Variants in TMTC1 observed in about 807,000 individuals in gnomAD.
TMTC1 encodes the protein protein O-mannosyl-transferase TMTC1.
Under a neutral mutation model 104.8 loss-of-function variants are expected in TMTC1, and 73 were observed. The observed-to-expected ratio is 0.70, with a 90% CI of 0.58 to 0.85. The LOEUF (loss-of-function observed/expected upper bound fraction) is 0.85. Ranked by LOEUF, TMTC1 falls within the 40% of genes least tolerant of loss-of-function variation. TMTC1 has a pLI of 0.00. For synonymous variants in TMTC1, 434 were observed against 428.7 expected, an observed-to-expected ratio of 1.01 and a Z score of -0.15; for missense variants, 1,035 against 1,096.1, an observed-to-expected ratio of 0.94 and a Z score of 0.79.
intron 10 of TMTC1, among the ~76,000 whole-genome samples, chr12:29,544,779 C>G (rs1226208152): frequency 1.3e-5 from 2 of 152,192 alleles, no homozygotes; most frequent in African/African-American, 4.8e-5. Flanking sequence ...CTGAGAATAA[C>G]TTAATTTAGT....
At chr12:29,773,563 C>A (rs1943641803) in intron 1 of TMTC1, among the ~76,000 whole-genome samples, 1 of 152,132 alleles carries the variant, frequency 6.6e-6, no homozygotes, top group African/African-American at 2.4e-5. Flanking sequence ...CATAGGTCTG[C>A]AAACTGGGTA....
intron 5 of TMTC1, among the ~76,000 whole-genome samples, chr12:29,722,926 A>AC (rs926570253): frequency 7.5e-6 from 1 of 133,402 alleles, no homozygotes; most frequent in African/African-American, 2.8e-5. Flanking sequence ...GTCTCAAAAA[A>AC]AAAAAAAAAG....
chr12:29,535,930 C>T, intron 11 of TMTC1: 1 of 341,630 alleles, frequency 2.9e-6, no homozygotes, highest in Non-Finnish European at 5.2e-6. Context: ...ATAAAAACAT[C>T]AAATATCATG....
intron 5 of TMTC1, chr12:29,661,359 T>TA: frequency 2.0e-6 from 2 of 979,758 alleles, no homozygotes; most frequent in Non-Finnish European, 2.4e-6. Context: ...ATCCACAAAA[T>TA]ACCTCACAGA....
At chr12:29,679,420 AAT>A (rs986836396) in intron 5 of TMTC1, among the ~76,000 whole-genome samples, 1 of 152,166 alleles carries the variant, frequency 6.6e-6, no homozygotes, top group African/African-American at 2.4e-5. Flanking sequence ...TATTTTGTAA[AAT>A]TTCTTACAAA....
intron 7 of TMTC1, among the ~76,000 whole-genome samples, chr12:29,601,175 T>C (rs1565700665): frequency 6.6e-6 from 1 of 152,138 alleles, no homozygotes; most frequent in Non-Finnish European, 1.5e-5. Flanking sequence ...ATTTAAGATA[T>C]GGCAGCATGG....
chr12:29,661,175 T>C (rs1940005044), intron 5 of TMTC1: 1 of 185,498 alleles, frequency 5.4e-6, no homozygotes, highest in African/African-American at 2.4e-5. Context: ...ACAAATGAGA[T>C]AATATCTAGA....
chr12:29,748,998 A>G (rs932390520), intron 5 of TMTC1, among the ~76,000 whole-genome samples: 2 of 152,194 alleles, frequency 1.3e-5, no homozygotes, highest in Admixed American at 1.3e-4. Flanking sequence ...GAAACATGGC[A>G]TCATGGCGGA....
chr12:29,653,139 C>A (rs1939601406), intron 5 of TMTC1, among the ~76,000 whole-genome samples: 1 of 151,788 alleles, frequency 6.6e-6, no homozygotes, highest in Non-Finnish European at 1.5e-5. Flanking sequence ...AGATCCCTTA[C>A]ACTTCGTGGA....
intron 5 of TMTC1, among the ~76,000 whole-genome samples, chr12:29,717,233 G>A (rs1053042550): frequency 3.9e-5 from 6 of 152,036 alleles, no homozygotes; most frequent in Non-Finnish European, 7.4e-5. Context: ...CATTTACAAC[G>A]AAAAATTTTA....
intron 3 of TMTC1, among the ~76,000 whole-genome samples, chr12:29,756,892 T>C (rs1943228627): frequency 1.3e-5 from 2 of 152,226 alleles, no homozygotes; most frequent in African/African-American, 4.8e-5. Context: ...GAGAATGGCA[T>C]GCAAAACCAA....
At chr12:29,572,072 C>G (rs753311814) in intron 9 of TMTC1, 33 bp downstream of exon 9, 11 of 1,562,864 alleles carry the variant, frequency 7.0e-6, no homozygotes, top group Non-Finnish European at 9.7e-6. Flanking sequence ...CTTTAAAGCA[C>G]CAAGGCCAAC....
chr12:29,631,038 T>C (rs1460095035), intron 6 of TMTC1, among the ~76,000 whole-genome samples: 1 of 152,212 alleles, frequency 6.6e-6, no homozygotes, highest in African/African-American at 2.4e-5. Flanking sequence ...ATGTATTTAT[T>C]AATTAAAAAC....
chr12:29,503,846 G>A lies in TMTC1; in HGVS notation c.*3000C>T, dbSNP rs1267752920. 2.0e-5 allele frequency: 3 copies of A among 152,234 alleles called. No individual in the cohort carries two copies. Among genetic ancestry groups the A allele is most frequent in the African/African-American group, 7.2e-5 (3 of 41,438 alleles). 9.4% of individuals were successfully genotyped at this position (152,234 alleles called of 1,614,324 possible). ...TGCCTTTAATCCCAGCACTTTGGGA[G>A]GCAGAGGTGGGCAGATCGCTTGAGC... On this transcript the variant is annotated 3_prime_UTR_variant, in exon 18 of 18. Transcript: ENST00000539277.
intron 5 of TMTC1, among the ~76,000 whole-genome samples, chr12:29,745,102 T>A (rs1942917273): frequency 6.6e-6 from 1 of 152,118 alleles, no homozygotes; most frequent in Non-Finnish European, 1.5e-5. Context: ...TAATTTTTTT[T>A]ATTTTTTAAA....
At chr12:29,589,820 T>C (rs77392560) in intron 7 of TMTC1, among the ~76,000 whole-genome samples, 2,471 of 152,336 alleles carry the variant, frequency 0.016, 70 homozygotes, top group African/African-American at 0.055. Flanking sequence ...TTGCAGGGCA[T>C]GCGGGCAAGG....
At position 29,509,666 on chromosome 12, in the gene TMTC1, C is replaced by T. The variant is rs116805115; in HGVS notation, c.2508+2377G>A. On this transcript the variant is annotated intron_variant, in intron 17 of 17. Coordinates refer to ENST00000539277, the MANE Select transcript of TMTC1 (RefSeq NM_001193451.2). ...TATATATTTACATTAGATTGAATCA[C>T]ATAAATTAACTGATATTTGACCACT... 5.6e-3 allele frequency among the ~76,000 whole-genome samples: 856 copies of T among 152,310 alleles called. 11 individuals carry two copies. The highest frequency in any genetic ancestry group is 0.019 in the African/African-American group (799 of 41,560).
intron 11 of TMTC1, 109 bp downstream of exon 11, chr12:29,536,100 G>T (rs1205302890): frequency 2.7e-6 from 2 of 749,422 alleles, no homozygotes; most frequent in Admixed American, 4.7e-5. Flanking sequence ...ATAGAGATTG[G>T]TTGTCCAATA....
intron 5 of TMTC1, among the ~76,000 whole-genome samples, chr12:29,650,796 A>G (rs1335051503): frequency 6.6e-6 from 1 of 152,200 alleles, no homozygotes; most frequent in Non-Finnish European, 1.5e-5. Flanking sequence ...GCAAGGGCCC[A>G]GGATTCCGAG....
Sources: allele counts gnomAD v4.1 joint callset (sites outside exome capture counted in the v4.1 genomes callset), GRCh38; gene constraint gnomAD v4.1.1; transcripts MANE v1.5; gene names NCBI Gene and HGNC (gene_info 2026-07-23, HGNC 2026-07-21).